ADCK1: variants seen among roughly 807,000 people sequenced by gnomAD.
ADCK1 encodes aarF domain containing kinase 1.
Under a neutral mutation model 52.3 loss-of-function variants are expected in ADCK1, and 41 were observed. That is an observed-to-expected ratio of 0.78 (90% CI 0.61 to 1.02). The LOEUF (loss-of-function observed/expected upper bound fraction) is 1.02. Ranked by LOEUF, ADCK1 falls within the 50% of genes least tolerant of loss-of-function variation. ADCK1 has a pLI of 0.00. For synonymous variants in ADCK1, 250 were observed against 274.6 expected, an observed-to-expected ratio of 0.91 and a Z score of 0.89; for missense variants, 658 against 679.5, an observed-to-expected ratio of 0.97 and a Z score of 0.35.
At chr14:77,835,008 G>C (rs1276731961) in intron 3 of ADCK1, among the ~76,000 whole-genome samples, 2 of 152,146 alleles carry the variant, frequency 1.3e-5, no homozygotes, top group Non-Finnish European at 2.9e-5. Flanking sequence ...GCAGTTTTCT[G>C]ACCCGCCCTG....
intron 6 of ADCK1, among the ~76,000 whole-genome samples, chr14:77,904,727 G>A (rs1259829903): frequency 1.3e-5 from 2 of 152,174 alleles, no homozygotes; most frequent in East Asian, 1.9e-4. Context: ...CTGTGGCAAA[G>A]AGGTAGAACC....
chr14:77,900,361 C>G (rs998928038), intron 6 of ADCK1, among the ~76,000 whole-genome samples: 2 of 151,638 alleles, frequency 1.3e-5, no homozygotes, highest in Non-Finnish European at 2.9e-5. Flanking sequence ...CGGAGGTGGG[C>G]AGATCACTTG....
intron 3 of ADCK1, among the ~76,000 whole-genome samples, chr14:77,841,620 G>GT (rs2082067445): frequency 6.9e-6 from 1 of 144,818 alleles, no homozygotes; most frequent in Non-Finnish European, 1.5e-5. Flanking sequence ...CTTGAGGTCA[G>GT]GAGTTCAAGA....
At chr14:77,888,065 G>A (rs912748677) in intron 5 of ADCK1, among the ~76,000 whole-genome samples, 1 of 152,164 alleles carries the variant, frequency 6.6e-6, no homozygotes, top group African/African-American at 2.4e-5. Flanking sequence ...TCTTCATCTT[G>A]GGGTAATCCT....
intron 3 of ADCK1, among the ~76,000 whole-genome samples, chr14:77,833,817 A>C (rs759336686): frequency 6.6e-6 from 1 of 152,162 alleles, no homozygotes; most frequent in Non-Finnish European, 1.5e-5. Context: ...GGTCCTAGGC[A>C]ATCAGGGAAA....
Position 77,907,900 on chromosome 14 carries a change from A to G in ADCK1, c.839A>G (p.Asn280Ser), listed in dbSNP as rs780382366. Residue 280 changes from asparagine (N) to serine (S), a missense_variant, in exon 7 of 11, where the codon AAC becomes AGC. Asn to Ser is a conservative substitution (Grantham distance 46). Coordinates refer to ENST00000238561, the MANE Select transcript of ADCK1 (RefSeq NM_020421.4). ...AATGACAGAGACTACATGGAGAGGA[A>G]CAAGATCGACGTCAATGAGGTGAGG... ...QVNDRDYMER[N>S]KIDVNEISRH... 12 of 1,613,610 alleles carry G rather than the reference A, an allele frequency of 7.4e-6. No individual in the cohort carries two copies. The East Asian group carries it at 2.2e-4, about 30-fold the overall frequency.
rs1410060399 is a variant in ADCK1, at chr14:77,862,799, G to GTCCTCACAGTCCAGGGTCATGGGAGGT, written c.423+3523_423+3549dup. Among the ~76,000 whole-genome samples, 18 of 152,332 alleles carry GTCCTCACAGTCCAGGGTCATGGGAGGT rather than the reference G, an allele frequency of 1.2e-4. 1 individual carries two copies. The highest frequency in any genetic ancestry group is 2.4e-4 in the African/African-American group (10 of 41,572). On this transcript the variant is annotated intron_variant, in intron 4 of 10. Coordinates refer to ENST00000238561, the MANE Select transcript of ADCK1 (RefSeq NM_020421.4). ...CAGGGATGGGTACGACCTCATTCCAGTCCTCACAGTCCAGGGTCATGGGAG... is the reference window on the plus strand; with the variant it reads ...CAGGGATGGGTACGACCTCATTCCAGTCCTCACAGTCCAGGGTCATGGGAGGTTCCTCACAGTCCAGGGTCATGGGAG...
At chr14:77,825,882 G>C (rs1007389942) in intron 3 of ADCK1, among the ~76,000 whole-genome samples, 2 of 152,112 alleles carry the variant, frequency 1.3e-5, no homozygotes, top group Non-Finnish European at 2.9e-5. Context: ...CCAGCTAACC[G>C]GTGCTATGGG....
At chr14:77,838,717 A>G (rs2082008451) in intron 3 of ADCK1, among the ~76,000 whole-genome samples, 2 of 152,140 alleles carry the variant, frequency 1.3e-5, no homozygotes, top group Admixed American at 1.3e-4. Flanking sequence ...TTTTTTGCTT[A>G]TGGAAAAGAT....
At chr14:77,893,043 G>A (rs1185452600) in intron 5 of ADCK1, among the ~76,000 whole-genome samples, 4 of 152,148 alleles carry the variant, frequency 2.6e-5, no homozygotes, top group African/African-American at 9.7e-5. Flanking sequence ...TGATGGTGTC[G>A]ATGACTTTGC....
chr14:77,933,886 G>A lies in ADCK1; in HGVS notation c.*495G>A, dbSNP rs996216193. ...GGGGCCAACTCCATTACAGCTATGAGCTCACTGCTGTCAGTGACGTTTGGT... is the reference window on the plus strand; with the variant it reads ...GGGGCCAACTCCATTACAGCTATGAACTCACTGCTGTCAGTGACGTTTGGT... On this transcript the variant is annotated 3_prime_UTR_variant, in exon 11 of 11. Coordinates refer to ENST00000238561, the MANE Select transcript of ADCK1 (RefSeq NM_020421.4). 3.2e-5 allele frequency: 5 copies of A among 158,394 alleles called. No homozygotes were observed. Among genetic ancestry groups the A allele is most frequent in the Admixed American group, 3.0e-4 (5 of 16,700 alleles). The allele number at this position is 158,394 out of a possible 1,614,324, so 9.8% of individuals were successfully genotyped here.
chr14:77,917,595 A>G (rs928196030), intron 7 of ADCK1, among the ~76,000 whole-genome samples: 25 of 152,216 alleles, frequency 1.6e-4, no homozygotes, highest in Non-Finnish European at 2.5e-4. Flanking sequence ...CAGTCTTTTT[A>G]TAGATTCCTG....
intron 3 of ADCK1, among the ~76,000 whole-genome samples, chr14:77,852,907 ATTTTTTT>A (rs71303864): frequency 2.8e-4 from 8 of 28,946 alleles, no homozygotes; most frequent in South Asian, 1.1e-3. Context: ...ATATATATAT[ATTTTTTT>A]TTTTTTTTTT....
intron 7 of ADCK1, among the ~76,000 whole-genome samples, chr14:77,920,996 G>A (rs1388418305): frequency 6.6e-6 from 1 of 151,766 alleles, no homozygotes. Flanking sequence ...TGAAAATTAG[G>A]CTTTGAGGGT....
chr14:77,831,080 T>C (rs2140062362), intron 3 of ADCK1, among the ~76,000 whole-genome samples: 1 of 152,218 alleles, frequency 6.6e-6, no homozygotes, highest in South Asian at 2.1e-4. Context: ...TTGCTGAACT[T>C]CACCCCTGAA....
At chr14:77,898,637 T>C (rs1254119822) in intron 5 of ADCK1, among the ~76,000 whole-genome samples, 2 of 152,034 alleles carry the variant, frequency 1.3e-5, no homozygotes, top group South Asian at 2.1e-4. Context: ...CTGGGGCCTG[T>C]TGGGCGACGG....
At chr14:77,849,430 C>A (rs544092854) in intron 3 of ADCK1, among the ~76,000 whole-genome samples, 5 of 151,906 alleles carry the variant, frequency 3.3e-5, no homozygotes, top group African/African-American at 1.2e-4. Flanking sequence ...TTCTTTAGAA[C>A]GGTGTTATTT....
chr14:77,927,797 T>C (rs11848531), intron 9 of ADCK1, among the ~76,000 whole-genome samples: 24,662 of 152,000 alleles, frequency 0.16, 2,223 homozygotes, highest in African/African-American at 0.24. Flanking sequence ...CAGAGCGTGG[T>C]GAGGAGGACG....
chr14:77,844,554 C>T (rs1031114578), intron 3 of ADCK1, among the ~76,000 whole-genome samples: 20 of 152,248 alleles, frequency 1.3e-4, no homozygotes, highest in East Asian at 3.9e-4. Flanking sequence ...TGTGGGGAGC[C>T]GGCCCCGTCA....
Sources: allele counts gnomAD v4.1 joint callset (sites outside exome capture counted in the v4.1 genomes callset), GRCh38; gene constraint gnomAD v4.1.1; transcripts MANE v1.5; gene names NCBI Gene and HGNC (gene_info 2026-07-23, HGNC 2026-07-21).